Variants in WDR7 observed in about 807,000 individuals in gnomAD.
WDR7 encodes the protein WD repeat domain 7, also known as WD repeat-containing protein 7.
A neutral mutation model predicts 169.4 loss-of-function variants in WDR7; 46 were observed. That is an observed-to-expected ratio of 0.27 (90% confidence interval 0.21 to 0.35). The LOEUF (loss-of-function observed/expected upper bound fraction) is 0.35, where lower values mean the gene tolerates loss of function less well. Among genes scored for constraint, WDR7 ranks in the 10% least tolerant of loss-of-function variants. The pLI, the probability that WDR7 is intolerant of heterozygous loss-of-function variation, is 1.00. For missense variants in WDR7, 1,534 were observed against 1,859.3 expected, an observed-to-expected ratio of 0.83 and a Z score of 3.22; for synonymous variants, 612 against 666.8, an observed-to-expected ratio of 0.92 and a Z score of 1.27.
intron 20 of WDR7, among the ~76,000 whole-genome samples, chr18:56,833,756 C>T (rs1466756568): frequency 1.3e-5 from 2 of 152,126 alleles, no homozygotes; most frequent in African/African-American, 2.4e-5. Context: ...ATTTTATATT[C>T]TAGACCAATC....
At chr18:56,868,389 A>T (rs2045910391) in intron 20 of WDR7, among the ~76,000 whole-genome samples, 1 of 152,116 alleles carries the variant, frequency 6.6e-6, no homozygotes, top group Admixed American at 6.6e-5. Context: ...GTTGGTAATG[A>T]CCCAGGTGAA....
At chr18:56,925,711 T>A (rs1166320754) in intron 22 of WDR7, among the ~76,000 whole-genome samples, 4 of 152,210 alleles carry the variant, frequency 2.6e-5, no homozygotes, top group Non-Finnish European at 4.4e-5. Context: ...AGAATGGAAC[T>A]CTGTGGCTTT....
At position 56,999,082 on chromosome 18, in the gene WDR7, G is replaced by A. The variant is rs75066071; in HGVS notation, c.4165-21663G>A. Among the ~76,000 whole-genome samples, 1,248 of 152,272 alleles carry A rather than the reference G, an allele frequency of 8.2e-3. 14 individuals are homozygous for A. The highest frequency in any genetic ancestry group is 0.029 in the African/African-American group (1,185 of 41,552). Reference sequence around the variant, plus strand: ...AAGTCAGAGTTATGAAAATATTTATGGAATCTTATATTCGCAAATATAGTG... The same window carrying A: ...AAGTCAGAGTTATGAAAATATTTATAGAATCTTATATTCGCAAATATAGTG... On this transcript the variant is annotated intron_variant, in intron 26 of 27. Transcript: ENST00000254442.
At chr18:56,848,323 A>G (rs180901219) in intron 20 of WDR7, among the ~76,000 whole-genome samples, 34 of 152,352 alleles carry the variant, frequency 2.2e-4, no homozygotes, top group African/African-American at 7.0e-4. Context: ...TTATGCCTGT[A>G]GCACCATTCT....
chr18:56,691,490 T>G, intron 8 of WDR7, 129 bp downstream of exon 8: 1 of 1,140,120 alleles, frequency 8.8e-7, no homozygotes, highest in South Asian at 2.3e-5. Context: ...CAGAACTTCT[T>G]AAGTTAGATT....
chr18:56,987,831 A>G (rs1276955142), intron 26 of WDR7, among the ~76,000 whole-genome samples: 1 of 152,224 alleles, frequency 6.6e-6, no homozygotes, highest in African/African-American at 2.4e-5. Context: ...CTTAAATCCT[A>G]TGCTTGGATT....
At chr18:56,844,611 G>A (rs1252761838) in intron 20 of WDR7, among the ~76,000 whole-genome samples, 1 of 152,178 alleles carries the variant, frequency 6.6e-6, no homozygotes, top group Non-Finnish European at 1.5e-5. Flanking sequence ...TATGGTAAGA[G>A]AATAAAGAGC....
intron 19 of WDR7, chr18:56,781,923 C>G (rs1328522670): frequency 4.1e-6 from 1 of 243,388 alleles, no homozygotes; most frequent in African/African-American, 2.2e-5. Context: ...AAACATCCTA[C>G]TCTAGTACTA....
At chr18:56,781,470 T>A in intron 18 of WDR7, 63 bp from the exon 19 acceptor site, 1 of 1,399,086 alleles carries the variant, frequency 7.1e-7, no homozygotes, top group Non-Finnish European at 9.4e-7. Flanking sequence ...TTTTCTAGTT[T>A]ATGAATATTC....
At chr18:57,007,340 T>C (rs1253442247) in intron 26 of WDR7, among the ~76,000 whole-genome samples, 2 of 152,222 alleles carry the variant, frequency 1.3e-5, no homozygotes, top group Non-Finnish European at 2.9e-5. Flanking sequence ...AAAATAATTA[T>C]ACTTGGAGAA....
At chr18:56,780,547 T>G (rs9956561) in intron 18 of WDR7, among the ~76,000 whole-genome samples, 4,016 of 152,228 alleles carry the variant, frequency 0.026, 72 homozygotes, top group African/African-American at 0.051. Context: ...GGCCGGGTGA[T>G]GTGGGTCATG....
intron 20 of WDR7, among the ~76,000 whole-genome samples, chr18:56,817,910 A>C (rs1002765818): frequency 5.3e-5 from 8 of 151,910 alleles, no homozygotes; most frequent in African/African-American, 1.9e-4. Context: ...ACGCCCAGCT[A>C]ATTTTTGTAT....
chr18:56,980,178 G>T (rs1320931181), intron 26 of WDR7, among the ~76,000 whole-genome samples: 3 of 152,090 alleles, frequency 2.0e-5, no homozygotes, highest in African/African-American at 7.2e-5. Context: ...TTGGTTCCTG[G>T]GTGCTCCCAT....
intron 26 of WDR7, among the ~76,000 whole-genome samples, chr18:56,963,208 A>C (rs1032773314): frequency 6.6e-6 from 1 of 152,136 alleles, no homozygotes; most frequent in African/African-American, 2.4e-5. Context: ...TTTATCCCAG[A>C]GTCGCACTGT....
chr18:56,916,012 C>T (rs2046619042), intron 21 of WDR7, among the ~76,000 whole-genome samples: 2 of 152,198 alleles, frequency 1.3e-5, no homozygotes, highest in Admixed American at 6.5e-5. Context: ...GGTGTACTGG[C>T]GGTTTATGGG....
chr18:56,769,126 A>G (rs1382550397), intron 16 of WDR7, among the ~76,000 whole-genome samples: 2 of 151,886 alleles, frequency 1.3e-5, no homozygotes, highest in Non-Finnish European at 2.9e-5. Context: ...GAAACATGCT[A>G]CTTGAGAAAA....
chr18:56,815,127 A>G (rs2044942959), intron 19 of WDR7, among the ~76,000 whole-genome samples: 1 of 152,204 alleles, frequency 6.6e-6, no homozygotes, highest in African/African-American at 2.4e-5. Flanking sequence ...GAACTAAAGA[A>G]GTGTTTGGTC....
chr18:56,814,930 G>A (rs577647967), intron 19 of WDR7, among the ~76,000 whole-genome samples: 6 of 152,146 alleles, frequency 3.9e-5, no homozygotes, highest in South Asian at 2.1e-4. Context: ...AAAATGGTGC[G>A]TTTTAGTCCA....
chr18:56,904,780 C>T (rs951190172), intron 21 of WDR7, among the ~76,000 whole-genome samples: 1 of 151,876 alleles, frequency 6.6e-6, no homozygotes, highest in Non-Finnish European at 1.5e-5. Context: ...TCAATTAACC[C>T]TTTTTTTTGA....
Sources: gnomAD v4.1 joint callset for allele counts (sites outside exome capture counted in the v4.1 genomes callset) on GRCh38, gnomAD v4.1.1 for gene constraint, MANE v1.5 for transcripts, NCBI Gene and HGNC (gene_info 2026-07-23, HGNC 2026-07-21) for gene names.